The following SYNE2 variants were observed in gnomAD, a reference collection of about 807,000 sequenced individuals.
SYNE2 encodes the protein spectrin repeat containing nuclear envelope protein 2, also known as nesprin-2.
A neutral mutation model predicts 856.3 loss-of-function variants in SYNE2; 431 were observed. The observed-to-expected ratio is 0.50, with a 90% CI of 0.47 to 0.55. SYNE2 has a LOEUF of 0.55. SYNE2 is among the 20% of genes least tolerant of loss of function. The pLI, the probability that SYNE2 is intolerant of heterozygous loss-of-function variation, is 0.00. For synonymous variants in SYNE2, 2,923 were observed against 2,872.3 expected, an observed-to-expected ratio of 1.02 and a Z score of -0.56; for missense variants, 8,129 against 8,023.2, an observed-to-expected ratio of 1.01 and a Z score of -0.50.
chr14:63,815,313 C>T (rs1026332429), intron 1 of SYNE2, among the ~76,000 whole-genome samples: 3 of 148,466 alleles, frequency 2.0e-5, no homozygotes, highest in Non-Finnish European at 4.5e-5. Flanking sequence ...CCATATAGGC[C>T]GTCTGCAAGC....
Position 64,085,917 on chromosome 14 carries a change from C to CAT in SYNE2, c.11485-1749_11485-1748dup, listed in dbSNP as rs1158963256. ...AATATTCTGAAAACCATTCTTTTGA[C>CAT]ATATATGTCATTTACAAATATTTTC... On this transcript the variant is annotated intron_variant, in intron 57 of 115. Coordinates refer to ENST00000555002, the MANE Select transcript of SYNE2 (RefSeq NM_182914.3). Among the ~76,000 whole-genome samples the CAT allele has an allele frequency of 2.0e-5, 3 of 152,286 alleles. No individual in the cohort carries two copies. The East Asian group carries it at 5.8e-4, about 29-fold the overall frequency.
At chr14:64,058,744 G>A (rs1167102900) in intron 49 of SYNE2, among the ~76,000 whole-genome samples, 2 of 152,178 alleles carry the variant, frequency 1.3e-5, no homozygotes, top group African/African-American at 2.4e-5. Flanking sequence ...GCCACCCAAA[G>A]TGTTGGGATT....
In SYNE2 at chr14:64,000,735, C is replaced by G; in HGVS notation, c.3638+16C>G. 1 of 1,604,438 alleles carries G rather than the reference C, an allele frequency of 6.2e-7. No individual in the cohort carries two copies. Among genetic ancestry groups the G allele is most frequent in the Non-Finnish European group, 8.5e-7 (1 of 1,174,456 alleles). On this transcript the variant is annotated intron_variant, in intron 28 of 115. Transcript: ENST00000555002. ...TTAATACCAGGTAAAATTCTGAGAT[C>G]TATTAACTATGAATCTAATAAACTC... is the stretch of plus-strand genomic sequence containing the variant.
chr14:64,129,817 C>A lies in SYNE2; in HGVS notation c.14055C>A (p.Ala4685=). ...ADAYTVELEN[A]ESRVAKLRDE... Reference sequence around the variant, plus strand: ...CATATACAGTGGAGCTGGAGAACGCCGAGAGCCGAGTGGCCAAACTAAGAG... The same window carrying A: ...CATATACAGTGGAGCTGGAGAACGCAGAGAGCCGAGTGGCCAAACTAAGAG... Residue 4685 remains alanine, a synonymous_variant, in exon 75 of 116, where the codon GCC becomes GCA. Transcript: ENST00000555002. 6.2e-7 allele frequency: 1 copy of A among 1,614,102 alleles called. No homozygotes were observed. The highest frequency in any genetic ancestry group is 1.1e-5 in the South Asian group (1 of 91,076).
chr14:63,938,854 G>C (rs2095863851), intron 2 of SYNE2, among the ~76,000 whole-genome samples: 1 of 152,144 alleles, frequency 6.6e-6, no homozygotes, highest in South Asian at 2.1e-4. Flanking sequence ...TGGGAGATGA[G>C]AAAAGTTGGG....
Position 63,924,832 on chromosome 14 carries a change from GTGTTTT to G in SYNE2, c.79+15607_79+15612del, listed in dbSNP as rs1373729878. Among the ~76,000 whole-genome samples, 11 of 92,854 alleles carry G rather than the reference GTGTTTT, an allele frequency of 1.2e-4. 1 individual carries two copies. The highest frequency in any genetic ancestry group is 7.5e-4 in the East Asian group (2 of 2,656). The allele number at this position is 92,854 out of a possible 152,430, so 60.9% of individuals were successfully genotyped here. On this transcript the variant is annotated intron_variant, in intron 2 of 115. Coordinates refer to ENST00000555002, the MANE Select transcript of SYNE2 (RefSeq NM_182914.3). ...TTTAACTTTTTTCCTTCCAGCCTTGGTGTTTTTTTTTTTTTTTTTTTTTTTTTTTTT... is the reference window on the plus strand; with the variant it reads ...TTTAACTTTTTTCCTTCCAGCCTTGGTTTTTTTTTTTTTTTTTTTTTTTTT...
chr14:64,213,339 G>A (rs910983480), intron 105 of SYNE2, among the ~76,000 whole-genome samples: 1 of 152,136 alleles, frequency 6.6e-6, no homozygotes, highest in African/African-American at 2.4e-5. Context: ...TATTACATTA[G>A]TAACTTAGGA....
At chr14:64,223,506 A>G (rs995321933) in intron 113 of SYNE2, 126 bp downstream of exon 113, 17 of 974,816 alleles carry the variant, frequency 1.7e-5, no homozygotes, top group Admixed American at 2.0e-5. Context: ...GTGGGGCCTC[A>G]TGTCGTGCCC....
rs771020502 is a variant in SYNE2, at chr14:64,216,304, G to A, written c.19459G>A (p.Glu6487Lys). 5 of 1,613,974 alleles carry A rather than the reference G, an allele frequency of 3.1e-6. No individual in the cohort carries two copies. Among genetic ancestry groups the A allele is most frequent in the South Asian group, 2.2e-5 (2 of 91,054 alleles). The stretch of plus-strand genomic sequence containing the variant: ...TGTTCCCGACAGCCCTTCCTGTCCC[G>A]AGCATCACTACAAGCAAATGGAAGG... ...WHVPDSPSCP[E>K]HHYKQMEGDR... Residue 6487 changes from glutamate (E) to lysine (K), a missense_variant, in exon 108 of 116, where the codon GAG (glutamate) becomes AAG (lysine). By Grantham distance (56) the Glu-to-Lys change is moderately conservative. This residue lies in a region of SYNE2 where 5,410 missense variants were observed against 5,284.8 expected (regional missense o/e 1.02). Coordinates refer to ENST00000555002, the MANE Select transcript of SYNE2 (RefSeq NM_182914.3).
intron 106 of SYNE2, 48 bp downstream of exon 106, chr14:64,214,518 G>A: frequency 6.4e-7 from 1 of 1,556,928 alleles, no homozygotes; most frequent in Non-Finnish European, 8.7e-7. Context: ...GTTTGGCTAT[G>A]TTTTTAGCCC....
chr14:63,964,607 C>T (rs896082161), intron 10 of SYNE2, among the ~76,000 whole-genome samples: 5 of 152,056 alleles, frequency 3.3e-5, no homozygotes, highest in South Asian at 2.1e-4. Context: ...TCACCGCAGC[C>T]GCCACCTCCC....
intron 99 of SYNE2, among the ~76,000 whole-genome samples, chr14:64,201,734 C>T (rs2098568015): frequency 6.6e-6 from 1 of 152,160 alleles, no homozygotes; most frequent in Non-Finnish European, 1.5e-5. Context: ...ACAATGCTTC[C>T]TGAGAGTTAG....
chr14:63,803,441 C>G (rs1005886448), intron 1 of SYNE2, among the ~76,000 whole-genome samples: 2 of 152,172 alleles, frequency 1.3e-5, no homozygotes, highest in Non-Finnish European at 2.9e-5. Context: ...GGTGAGAAAT[C>G]GAGCGCAGTG....
chr14:64,073,874 C>A, intron 52 of SYNE2, 94 bp from the exon 53 acceptor site: 1 of 1,354,748 alleles, frequency 7.4e-7, no homozygotes, highest in Non-Finnish European at 1.0e-6. Flanking sequence ...AGTAGCTATT[C>A]AGGCATTTCA....
At chr14:64,151,628 A>G (rs1032895797) in intron 84 of SYNE2, among the ~76,000 whole-genome samples, 22 of 152,068 alleles carry the variant, frequency 1.4e-4, no homozygotes, top group African/African-American at 5.1e-4. Flanking sequence ...AACATGAGCT[A>G]AGGGTCGTTA....
At chr14:64,044,007 G>C (rs912810502) in intron 45 of SYNE2, among the ~76,000 whole-genome samples, 1 of 152,170 alleles carries the variant, frequency 6.6e-6, no homozygotes, top group Non-Finnish European at 1.5e-5. Flanking sequence ...ACAGACACAT[G>C]CCACCACACC....
chr14:64,058,980 A>G (rs1432802159), intron 49 of SYNE2, among the ~76,000 whole-genome samples: 1 of 152,070 alleles, frequency 6.6e-6, no homozygotes, highest in African/African-American at 2.4e-5. Context: ...TGTCCATTGC[A>G]GTTTTCAACC....
intron 2 of SYNE2, among the ~76,000 whole-genome samples, chr14:63,913,842 T>A (rs920609521): frequency 2.0e-5 from 3 of 152,198 alleles, no homozygotes; most frequent in Admixed American, 6.5e-5. Context: ...TAAAATTTTT[T>A]AAATTTAATT....
intron 84 of SYNE2, among the ~76,000 whole-genome samples, chr14:64,150,060 G>A (rs1230045957): frequency 3.0e-5 from 4 of 133,378 alleles, no homozygotes; most frequent in Middle Eastern, 4.5e-3. Context: ...CACCCAGGCT[G>A]GAGTGCAGTG....
Sources: gnomAD v4.1 joint callset for allele counts (sites outside exome capture counted in the v4.1 genomes callset) on GRCh38, gnomAD v4.1.1 for gene constraint, gnomAD v4.1.1 regional missense constraint, MANE v1.5 for transcripts, NCBI Gene and HGNC (gene_info 2026-07-23, HGNC 2026-07-21) for gene names.